KAT2B: variants seen among roughly 807,000 people sequenced by gnomAD.
KAT2B encodes the protein histone acetyltransferase KAT2B.
KAT2B carries 36 observed loss-of-function variants against 105.9 expected under a neutral mutation model. The ratio of observed to expected loss-of-function variants is 0.34; its 90% CI spans 0.26 to 0.45. KAT2B has a LOEUF of 0.45. Ranked by LOEUF, KAT2B falls within the 20% of genes least tolerant of loss-of-function variation. KAT2B has a pLI of 1.00. For missense variants in KAT2B, 820 were observed against 1,021.6 expected (o/e 0.80, Z 2.69); for synonymous variants, 397 against 377.9 (o/e 1.05, Z -0.59).
intron 11 of KAT2B, among the ~76,000 whole-genome samples, 200 bp from the exon 12 acceptor site, chr3:20,136,742 G>A (rs1331663369): frequency 6.6e-6 from 1 of 152,066 alleles, no homozygotes; most frequent in Non-Finnish European, 1.5e-5. Context: ...CAAGGATTTT[G>A]ATTTTGTTTT....
chr3:20,079,384 T>C (rs1399273782), intron 2 of KAT2B, among the ~76,000 whole-genome samples: 7 of 151,604 alleles, frequency 4.6e-5, no homozygotes, highest in African/African-American at 1.2e-4. Flanking sequence ...TTTGTGTTTT[T>C]AGTAGAGACG....
chr3:20,096,188 T>C (rs1277075834), intron 3 of KAT2B, among the ~76,000 whole-genome samples: 1 of 152,144 alleles, frequency 6.6e-6, no homozygotes, highest in Non-Finnish European at 1.5e-5. Context: ...AATCAACATA[T>C]TCCAAATTTA....
At chr3:20,127,839 C>T (rs1039500229) in intron 11 of KAT2B, among the ~76,000 whole-genome samples, 2 of 152,214 alleles carry the variant, frequency 1.3e-5, no homozygotes, top group African/African-American at 4.8e-5. Flanking sequence ...AAGGAGCATG[C>T]AACCTAGATC....
chr3:20,104,448 G>A (rs938895137), intron 5 of KAT2B, among the ~76,000 whole-genome samples: 2 of 152,032 alleles, frequency 1.3e-5, no homozygotes, highest in African/African-American at 2.4e-5. Context: ...ATCAATATTC[G>A]GAGTAAAACC....
At chr3:20,100,024 A>G (rs1698881879) in intron 4 of KAT2B, 70 bp downstream of exon 4, 4 of 818,864 alleles carry the variant, frequency 4.9e-6, no homozygotes, top group Middle Eastern at 2.3e-4. Flanking sequence ...CTCCTTTTAT[A>G]TCTCTATCTA....
chr3:20,141,534 C>T (rs558012642), intron 13 of KAT2B, among the ~76,000 whole-genome samples: 3 of 152,254 alleles, frequency 2.0e-5, no homozygotes, highest in East Asian at 3.9e-4. Flanking sequence ...CTTGATACTT[C>T]TGTTATTCGT....
At chr3:20,057,127 G>T (rs1009405056) in intron 1 of KAT2B, among the ~76,000 whole-genome samples, 1 of 152,176 alleles carries the variant, frequency 6.6e-6, no homozygotes, top group Non-Finnish European at 1.5e-5. Context: ...AGATCTGACA[G>T]AGTTTGAAAG....
rs1182912432 is a variant in KAT2B, at chr3:20,049,068, C to G, written c.303+8288C>G. Among the ~76,000 whole-genome samples, 4 of 149,226 alleles carry G rather than the reference C, an allele frequency of 2.7e-5. No individual in the cohort carries two copies. The South Asian group carries it at 9.0e-4, about 34-fold the overall frequency. On this transcript the variant is annotated intron_variant, in intron 1 of 17. Coordinates refer to ENST00000263754, the MANE Select transcript of KAT2B (RefSeq NM_003884.5). ...GTAGAGACGGGGTTTCACCATGTTG[C>G]CCAAGATGGTCTCGATTTCTTGACC...
intron 1 of KAT2B, among the ~76,000 whole-genome samples, chr3:20,050,199 C>CAAAAA (rs11298850): frequency 1.9e-5 from 2 of 104,082 alleles, no homozygotes. Flanking sequence ...GACCCTGTCT[C>CAAAAA]AAAAAAAAAA....
chr3:20,101,772 C>T (rs2125156624), intron 5 of KAT2B, among the ~76,000 whole-genome samples: 1 of 152,176 alleles, frequency 6.6e-6, no homozygotes, highest in East Asian at 1.9e-4. Context: ...TAAAATTGCT[C>T]ATTAATACTT....
Position 20,091,754 on chromosome 3 carries a change from G to T in KAT2B, c.431-3509G>T, listed in dbSNP as rs563299323. Among the ~76,000 whole-genome samples, 18 of 152,118 alleles carry T rather than the reference G, an allele frequency of 1.2e-4. No homozygotes were observed. In the East Asian group the frequency reaches 3.5e-3, roughly 29 times the overall value. On this transcript the variant is annotated intron_variant, in intron 2 of 17. Transcript: ENST00000263754. ...TTTTAAGTTCTTCTCTGACCCATTG[G>T]TTGTTCAGGAGAATGCTGTTTAATT...
At chr3:20,095,147 C>T in intron 2 of KAT2B, 116 bp from the exon 3 acceptor site, 7 of 762,712 alleles carry the variant, frequency 9.2e-6, no homozygotes, top group East Asian at 2.6e-5. Context: ...CTCTTATTAC[C>T]AGTGAACTTA....
chr3:20,084,369 C>T (rs1401581956), intron 2 of KAT2B, among the ~76,000 whole-genome samples: 1 of 152,244 alleles, frequency 6.6e-6, no homozygotes, highest in South Asian at 2.1e-4. Flanking sequence ...CCACTCCAGA[C>T]CTGCGTTTAT....
At chr3:20,047,156 G>A (rs1915923) in intron 1 of KAT2B, among the ~76,000 whole-genome samples, 86,456 of 150,388 alleles carry the variant, frequency 0.57, 25,164 homozygotes, top group Non-Finnish European at 0.61. Flanking sequence ...GGCTCAGGTG[G>A]TCCTCCCACC....
At chr3:20,062,002 T>TATAATATATAAAAC (rs1698118154) in intron 1 of KAT2B, among the ~76,000 whole-genome samples, 1 of 71,338 alleles carries the variant, frequency 1.4e-5, no homozygotes, top group African/African-American at 5.9e-5. Flanking sequence ...ATATAAAACA[T>TATAATATATAAAAC]ATAATATATA....
At chr3:20,126,481 G>A (rs372257036) in intron 10 of KAT2B, among the ~76,000 whole-genome samples, 2 of 151,560 alleles carry the variant, frequency 1.3e-5, no homozygotes, top group South Asian at 4.2e-4. Flanking sequence ...GGCAATTATT[G>A]GGATATAAGA....
At chr3:20,146,221 C>T in intron 13 of KAT2B, 95 bp from the exon 14 acceptor site, 1 of 721,504 alleles carries the variant, frequency 1.4e-6, no homozygotes, top group Non-Finnish European at 2.4e-6. Flanking sequence ...ATAAAAAAGA[C>T]TGTTTTGTTA....
chr3:20,110,328 T>A (rs1051715487), intron 5 of KAT2B, among the ~76,000 whole-genome samples: 1 of 152,050 alleles, frequency 6.6e-6, no homozygotes. Context: ...GTTATATTTA[T>A]GTTTTTGGGT....
intron 2 of KAT2B, among the ~76,000 whole-genome samples, chr3:20,081,878 C>CATATATATATATATATATAT (rs139743528): frequency 0.054 from 7,538 of 139,706 alleles, 266 homozygotes; most frequent in South Asian, 0.071. Flanking sequence ...GTCATTGGCT[C>CATATATATATATATATATAT]ATATATATAT....
Sources: gnomAD v4.1 joint callset for allele counts (sites outside exome capture counted in the v4.1 genomes callset) on GRCh38, gnomAD v4.1.1 for gene constraint, MANE v1.5 for transcripts, NCBI Gene and HGNC (gene_info 2026-07-23, HGNC 2026-07-21) for gene names.